The following PVT1 variants were observed in gnomAD, a reference collection of about 807,000 sequenced individuals.
The protein encoded by PVT1 is CXCR4/PVT1 fusion.
chr8:128,001,937 C>T (rs1462059271), intron 4 of PVT1, among the ~76,000 whole-genome samples: 1 of 152,146 alleles, frequency 6.6e-6, no homozygotes, highest in Non-Finnish European at 1.5e-5. Context: ...CCCCTACCTC[C>T]AAATCCCATC....
intron 4 of PVT1, among the ~76,000 whole-genome samples, chr8:127,997,044 G>GGTTTTTTTT: frequency 1.2e-5 from 1 of 81,590 alleles, no homozygotes; most frequent in South Asian, 5.1e-4. Flanking sequence ...ATTTGCTTTC[G>GGTTTTTTTT]TTTTTTTTTT....
intron 2 of PVT1, among the ~76,000 whole-genome samples, chr8:127,887,715 C>T (rs1252732962): frequency 2.6e-5 from 4 of 151,812 alleles, no homozygotes; most frequent in South Asian, 2.1e-4. Context: ...TTAGTAGAGA[C>T]GGGGTTTCAC....
chr8:127,799,197 C>G (rs1294422553), intron 2 of PVT1, among the ~76,000 whole-genome samples: 1 of 150,410 alleles, frequency 6.6e-6, no homozygotes, highest in Non-Finnish European at 1.5e-5. Context: ...CTGTGAAATT[C>G]TTGAGAACAG....
intron 3 of PVT1, among the ~76,000 whole-genome samples, chr8:127,915,906 C>T (rs1815978840): frequency 6.6e-6 from 1 of 152,264 alleles, no homozygotes. Flanking sequence ...GGTACATCAC[C>T]TGACCCTGAA....
chr8:127,983,805 T>A (rs1345860552), intron 3 of PVT1: 1 of 152,168 alleles, frequency 6.6e-6, no homozygotes, highest in Non-Finnish European at 1.5e-5. Flanking sequence ...TTTTGACTAT[T>A]TTTTCCCAAT....
At position 127,800,663 on chromosome 8, in the gene PVT1, C is replaced by T. The variant is rs78146549; in HGVS notation, n.372+4592C>T. Among the ~76,000 whole-genome samples the T allele has an allele frequency of 1.3e-3, 201 of 152,166 alleles. 1 individual carries two copies. The highest frequency in any genetic ancestry group is 4.4e-3 in the Admixed American group (67 of 15,276). ...TATCTTCCTAGTATACCATATGTCT[C>T]TCTTCTCCCACTAAATTGTAACCCA... On this transcript the variant is annotated intron_variant and non_coding_transcript_variant, in intron 2 of 10. Transcript: ENST00000651587.
chr8:127,933,891 A>C (rs1398489494), intron 3 of PVT1, among the ~76,000 whole-genome samples: 5 of 152,216 alleles, frequency 3.3e-5, no homozygotes, highest in African/African-American at 1.2e-4. Context: ...AATGGGAATT[A>C]TTGTTTGAGC....
intron 2 of PVT1, among the ~76,000 whole-genome samples, chr8:127,877,191 A>T (rs1424110067): frequency 6.6e-6 from 1 of 152,152 alleles, no homozygotes; most frequent in African/African-American, 2.4e-5. Flanking sequence ...TTCTAAAGTG[A>T]AGCAGGCTGT....
intron 3 of PVT1, among the ~76,000 whole-genome samples, chr8:127,956,340 C>G (rs1816568332): frequency 6.6e-6 from 1 of 152,242 alleles, no homozygotes; most frequent in South Asian, 2.1e-4. Flanking sequence ...AAGAAGGGAG[C>G]TCTGAACAGT....
At chr8:127,837,723 A>G (rs1370939929) in intron 2 of PVT1, among the ~76,000 whole-genome samples, 1 of 152,008 alleles carries the variant, frequency 6.6e-6, no homozygotes, top group Non-Finnish European at 1.5e-5. Flanking sequence ...CGATGGGGAA[A>G]CGGAGCCAGG....
At chr8:128,066,353 A>G (rs899900035) in intron 4 of PVT1, among the ~76,000 whole-genome samples, 7 of 152,204 alleles carry the variant, frequency 4.6e-5, no homozygotes, top group South Asian at 2.1e-4. Context: ...GATCAGTGCT[A>G]TGTGTAGAGG....
chr8:127,886,855 T>C (rs1002599321), intron 2 of PVT1, among the ~76,000 whole-genome samples: 1 of 152,232 alleles, frequency 6.6e-6, no homozygotes, highest in African/African-American at 2.4e-5. Context: ...TGTTTTCTTT[T>C]TAGTTGTTTG....
At chr8:128,099,132 C>T (rs1814467941) in intron 6 of PVT1, among the ~76,000 whole-genome samples, 1 of 152,194 alleles carries the variant, frequency 6.6e-6, no homozygotes, top group Non-Finnish European at 1.5e-5. Context: ...GGCCTCCCAC[C>T]CAGGCCTTCT....
rs149525150 is a variant in PVT1, at chr8:128,080,502, T to C, written n.1114+10141T>C. Among the ~76,000 whole-genome samples the C allele has an allele frequency of 2.7e-3, 405 of 152,364 alleles. 3 individuals carry two copies. The highest frequency in any genetic ancestry group is 9.1e-3 in the African/African-American group (380 of 41,590). On this transcript the variant is annotated intron_variant and non_coding_transcript_variant, in intron 5 of 10. Transcript: ENST00000651587. ...GACATATGTTTATTTGCCATGTGTA[T>C]ACCTTCTTCGATGAGATGCCTGCTC...
At chr8:127,834,767 GC>G (rs1460590209) in intron 2 of PVT1, among the ~76,000 whole-genome samples, 1 of 152,086 alleles carries the variant, frequency 6.6e-6, no homozygotes, top group Non-Finnish European at 1.5e-5. Flanking sequence ...CAAAAAGTGG[GC>G]AAAGGATGTG....
chr8:127,921,437 T>C (rs1238117473), intron 3 of PVT1, among the ~76,000 whole-genome samples: 1 of 152,192 alleles, frequency 6.6e-6, no homozygotes, highest in East Asian at 1.9e-4. Context: ...TTATATTTTG[T>C]GAGAAAACGT....
intron 4 of PVT1, among the ~76,000 whole-genome samples, chr8:128,054,986 G>A (rs1813746428): frequency 1.3e-5 from 2 of 152,170 alleles, no homozygotes; most frequent in South Asian, 2.1e-4. Flanking sequence ...AAACACATGA[G>A]GTTCCCTAAG....
chr8:128,009,979 A>G (rs1817294363), intron 4 of PVT1, among the ~76,000 whole-genome samples: 1 of 152,196 alleles, frequency 6.6e-6, no homozygotes, highest in Admixed American at 6.5e-5. Flanking sequence ...CTGAGGCTGA[A>G]CAGCAAGAAT....
intron 3 of PVT1, among the ~76,000 whole-genome samples, chr8:127,899,392 A>G (rs367920255): frequency 6.6e-6 from 1 of 152,180 alleles, no homozygotes; most frequent in African/African-American, 2.4e-5. Context: ...TAAATTTGGA[A>G]GTCAGACTGA....
Sources: allele counts gnomAD v4.1 joint callset (sites outside exome capture counted in the v4.1 genomes callset), GRCh38; gene constraint gnomAD v4.1.1; transcripts MANE v1.5; gene names NCBI Gene and HGNC (gene_info 2026-07-23, HGNC 2026-07-21).